Variants in CNTN5 observed in about 807,000 individuals in gnomAD.
CNTN5 encodes the protein contactin-5.
Under a neutral mutation model 129.1 loss-of-function variants are expected in CNTN5, and 77 were observed. The observed-to-expected ratio is 0.60, with a 90% CI of 0.50 to 0.72. The LOEUF is 0.72. CNTN5 is among the 30% of genes least tolerant of loss of function. CNTN5 has a pLI of 0.00. For synonymous variants in CNTN5, 509 were observed against 465.6 expected, an observed-to-expected ratio of 1.09 and a Z score of -1.20; for missense variants, 1,478 against 1,328.8, an observed-to-expected ratio of 1.11 and a Z score of -1.75.
intron 16 of CNTN5, among the ~76,000 whole-genome samples, chr11:100,252,305 T>C (rs1234472239): frequency 6.6e-6 from 1 of 152,216 alleles, no homozygotes; most frequent in Non-Finnish European, 1.5e-5. Flanking sequence ...TCATATATGC[T>C]GCACATTAAT....
intron 13 of CNTN5, among the ~76,000 whole-genome samples, chr11:100,114,743 C>T (rs1945782021): frequency 6.6e-6 from 1 of 152,040 alleles, no homozygotes; most frequent in African/African-American, 2.4e-5. Flanking sequence ...ACAAATCTCG[C>T]TCATCCTTTA....
At chr11:99,109,793 T>C (rs1857701318) in intron 1 of CNTN5, among the ~76,000 whole-genome samples, 1 of 152,154 alleles carries the variant, frequency 6.6e-6, no homozygotes, top group Non-Finnish European at 1.5e-5. Context: ...ACAATTCCTT[T>C]TTCTTTTCAG....
intron 11 of CNTN5, among the ~76,000 whole-genome samples, chr11:100,070,994 T>G (rs1181618775): frequency 2.6e-5 from 4 of 152,164 alleles, no homozygotes; most frequent in Non-Finnish European, 5.9e-5. Context: ...TAAGAGTTTT[T>G]TTTTTAATGA....
rs571398222 is a variant in CNTN5, at chr11:100,255,448, C to T, written c.2006-312C>T. Reference sequence around the variant, plus strand: ...GTAAACTGATTGATTTCAGCAGCTGCATTTGATACTGGCATTCACATCTTT... The same window carrying T: ...GTAAACTGATTGATTTCAGCAGCTGTATTTGATACTGGCATTCACATCTTT... On this transcript the variant is annotated intron_variant, in intron 16 of 24. Coordinates refer to ENST00000524871, the MANE Select transcript of CNTN5 (RefSeq NM_014361.4). Among the ~76,000 whole-genome samples, 5 of 152,196 alleles carry T rather than the reference C, an allele frequency of 3.3e-5. No individual in the cohort carries two copies. The South Asian group carries it at 6.2e-4, about 19-fold the overall frequency.
chr11:99,680,829 T>C (rs531068649), intron 3 of CNTN5, among the ~76,000 whole-genome samples: 12 of 152,126 alleles, frequency 7.9e-5, no homozygotes, highest in South Asian at 4.1e-4. Flanking sequence ...AAATTACTCC[T>C]TGATCCATAG....
intron 3 of CNTN5, among the ~76,000 whole-genome samples, chr11:99,778,215 TTA>T (rs1374123239): frequency 6.6e-6 from 1 of 151,770 alleles, no homozygotes; most frequent in Admixed American, 6.6e-5. Flanking sequence ...AAAACATTCT[TTA>T]GGTATGTCCT....
chr11:99,335,735 C>T (rs905342641), intron 2 of CNTN5, among the ~76,000 whole-genome samples: 6 of 152,020 alleles, frequency 3.9e-5, no homozygotes, highest in African/African-American at 1.4e-4. Flanking sequence ...TGAGGGTTGA[C>T]TTTAGGGCTG....
intron 6 of CNTN5, among the ~76,000 whole-genome samples, chr11:99,867,603 G>A (rs1445160936): frequency 1.3e-5 from 2 of 152,060 alleles, no homozygotes; most frequent in African/African-American, 2.4e-5. Flanking sequence ...TAGAACCATA[G>A]CATCTCTCTG....
At chr11:99,462,698 A>G (rs914090327) in intron 2 of CNTN5, among the ~76,000 whole-genome samples, 14 of 152,134 alleles carry the variant, frequency 9.2e-5, no homozygotes, top group Non-Finnish European at 1.9e-4. Flanking sequence ...CCTGAAACCT[A>G]TACTGTAATT....
At chr11:99,763,497 GGAATATAACTCA>G (rs1944655255) in intron 3 of CNTN5, among the ~76,000 whole-genome samples, 1 of 151,870 alleles carries the variant, frequency 6.6e-6, no homozygotes, top group South Asian at 2.1e-4. Context: ...ATGTAGTTTT[GGAATATAACTCA>G]GAAGAAGTTT....
chr11:100,116,560 A>C (rs1341875636), intron 13 of CNTN5, among the ~76,000 whole-genome samples: 1 of 151,950 alleles, frequency 6.6e-6, no homozygotes, highest in African/African-American at 2.4e-5. Context: ...GAGAAAAAAG[A>C]GTATAAACCC....
chr11:99,263,950 G>A (rs1285963764), intron 1 of CNTN5, among the ~76,000 whole-genome samples: 1 of 152,022 alleles, frequency 6.6e-6, no homozygotes. Context: ...TCTTAACTCA[G>A]TTAATCAATA....
rs547870846 is a variant in CNTN5 at position 100,031,058 on chromosome 11, G to C, written c.980+28922G>C. 1.2e-4 allele frequency among the ~76,000 whole-genome samples: 19 copies of C among 152,212 alleles called. 1 individual carries two copies. In the South Asian group the frequency reaches 2.5e-3, roughly 20 times the overall value. Reference sequence around the variant, plus strand: ...ACACTTTCCACTGCACAGTCTATAGGTGCTAGCTTTACTTAAAACTCTAGC... The same window carrying C: ...ACACTTTCCACTGCACAGTCTATAGCTGCTAGCTTTACTTAAAACTCTAGC... On this transcript the variant is annotated intron_variant, in intron 9 of 24. Coordinates refer to ENST00000524871, the MANE Select transcript of CNTN5 (RefSeq NM_014361.4).
Position 99,285,952 on chromosome 11 carries a change from C to A in CNTN5, c.-209-39394C>A, listed in dbSNP as rs149587214. Reference sequence around the variant, plus strand: ...ATTTGAGAGGCTGAGACAGGAGAATCCCTTGAACCCAGGAGGCAGAGGTTG... The same window carrying A: ...ATTTGAGAGGCTGAGACAGGAGAATACCTTGAACCCAGGAGGCAGAGGTTG... On this transcript the variant is annotated intron_variant, in intron 1 of 24. Coordinates refer to ENST00000524871, the MANE Select transcript of CNTN5 (RefSeq NM_014361.4). 4.2e-3 allele frequency among the ~76,000 whole-genome samples: 637 copies of A among 151,174 alleles called. 9 individuals carry two copies. The East Asian group carries it at 0.047, about 11-fold the overall frequency.
chr11:99,950,388 G>A (rs1200215332), intron 7 of CNTN5, among the ~76,000 whole-genome samples: 2 of 152,220 alleles, frequency 1.3e-5, no homozygotes, highest in Non-Finnish European at 2.9e-5. Flanking sequence ...GGCTGAGGCA[G>A]GAGAATGGCG....
intron 1 of CNTN5, among the ~76,000 whole-genome samples, chr11:99,320,318 T>C (rs1419676187): frequency 6.6e-6 from 1 of 152,124 alleles, no homozygotes; most frequent in African/African-American, 2.4e-5. Context: ...TTGACTGGGA[T>C]TGAGAACAGT....
At chr11:99,332,729 T>C (rs1439739332) in intron 2 of CNTN5, among the ~76,000 whole-genome samples, 1 of 152,006 alleles carries the variant, frequency 6.6e-6, no homozygotes, top group Non-Finnish European at 1.5e-5. Context: ...AGTGACAAGA[T>C]GTCAAAATTA....
chr11:99,625,503 C>T (rs651048), intron 3 of CNTN5, among the ~76,000 whole-genome samples: 92,918 of 151,910 alleles, frequency 0.61, 29,296 homozygotes, highest in Admixed American at 0.74. Flanking sequence ...AGATTCAATA[C>T]AGAAAAAGGA....
At chr11:99,729,283 C>T (rs1943449839) in intron 3 of CNTN5, among the ~76,000 whole-genome samples, 1 of 152,020 alleles carries the variant, frequency 6.6e-6, no homozygotes, top group Non-Finnish European at 1.5e-5. Flanking sequence ...ATTCAATGCT[C>T]ACTATTAAAC....
Sources: allele counts gnomAD v4.1 joint callset (sites outside exome capture counted in the v4.1 genomes callset), GRCh38; gene constraint gnomAD v4.1.1; transcripts MANE v1.5; gene names NCBI Gene and HGNC (gene_info 2026-07-23, HGNC 2026-07-21).